Variants in RASGEF1C observed in about 807,000 individuals in gnomAD.
The protein encoded by RASGEF1C is ras-GEF domain-containing family member 1C.
A neutral mutation model predicts 58.1 loss-of-function variants in RASGEF1C; 27 were observed. The observed-to-expected ratio is 0.46, with a 90% CI of 0.34 to 0.64. The LOEUF (loss-of-function observed/expected upper bound fraction) is 0.64. RASGEF1C is among the 30% of genes least tolerant of loss of function. RASGEF1C has a pLI of 0.01. For missense variants in RASGEF1C, 502 were observed against 605.1 expected (o/e 0.83, Z 1.79); for synonymous variants, 243 against 246.3 (o/e 0.99, Z 0.13).
chr5:180,114,424 G>A, intron 11 of RASGEF1C, 22 bp downstream of exon 11: 5 of 1,607,296 alleles, frequency 3.1e-6, no homozygotes, highest in African/African-American at 1.3e-5. Context: ...TACCTCAGTG[G>A]CGGTCCACAC....
At chr5:180,103,113 T>C (rs1295099636) in intron 12 of RASGEF1C, among the ~76,000 whole-genome samples, 1 of 152,252 alleles carries the variant, frequency 6.6e-6, no homozygotes, top group Non-Finnish European at 1.5e-5. Flanking sequence ...AGTCTCGCTC[T>C]GTCGCCCAGG....
intron 1 of RASGEF1C, among the ~76,000 whole-genome samples, chr5:180,208,282 C>T (rs893517271): frequency 1.3e-5 from 2 of 152,124 alleles, no homozygotes; most frequent in African/African-American, 4.8e-5. Flanking sequence ...CCCCAGGAGG[C>T]AGGAGATACG....
At position 180,182,378 on chromosome 5, in the gene RASGEF1C, G is replaced by C. The variant is rs1282029602; in HGVS notation, c.-7+26650C>G. ...CACGGTGAGTGTTACAGCTCTTAAAGGTGGCGCGGACCCAAACAGTGAGCA... is the reference window on the plus strand; with the variant it reads ...CACGGTGAGTGTTACAGCTCTTAAACGTGGCGCGGACCCAAACAGTGAGCA... On this transcript the variant is annotated intron_variant, in intron 1 of 13. Coordinates refer to ENST00000361132, the MANE Select transcript of RASGEF1C (RefSeq NM_175062.4). Among the ~76,000 whole-genome samples, 3 of 152,194 alleles carry C rather than the reference G, an allele frequency of 2.0e-5. No homozygotes were observed. In the South Asian group the frequency reaches 6.2e-4, roughly 32 times the overall value.
intron 10 of RASGEF1C, 35 bp from the exon 11 acceptor site, chr5:180,114,576 G>T (rs1355512449): frequency 6.3e-6 from 10 of 1,585,276 alleles, no homozygotes; most frequent in Non-Finnish European, 8.6e-6. Context: ...GCCCCAGCCG[G>T]CCCTCCACAC....
intron 1 of RASGEF1C, among the ~76,000 whole-genome samples, chr5:180,180,058 C>G (rs1216135784): frequency 6.6e-6 from 1 of 152,218 alleles, no homozygotes; most frequent in African/African-American, 2.4e-5. Flanking sequence ...CCAGGGCCAC[C>G]CCAAGCCCTG....
intron 1 of RASGEF1C, among the ~76,000 whole-genome samples, chr5:180,204,008 A>AAACAAC (rs57771575): frequency 2.0e-3 from 285 of 140,960 alleles, no homozygotes; most frequent in Non-Finnish European, 2.5e-3. Context: ...ACAAACAAAC[A>AAACAAC]AACAACAACA....
chr5:180,152,637 AC>A (rs1766777327), intron 1 of RASGEF1C, among the ~76,000 whole-genome samples: 2 of 151,238 alleles, frequency 1.3e-5, no homozygotes, highest in African/African-American at 4.9e-5. Flanking sequence ...TGGGTGCAGC[AC>A]ACCAACATGG....
intron 1 of RASGEF1C, among the ~76,000 whole-genome samples, chr5:180,180,491 C>T (rs1767307896): frequency 6.6e-6 from 1 of 152,230 alleles, no homozygotes; most frequent in African/African-American, 2.4e-5. Flanking sequence ...TGCAGTCTGA[C>T]ATGTGTGTAC....
chr5:180,120,973 C>A (rs1766159225), intron 7 of RASGEF1C, 87 bp downstream of exon 7: 1 of 900,922 alleles, frequency 1.1e-6, no homozygotes, highest in Non-Finnish European at 1.9e-6. Context: ...CTCAAGGTGT[C>A]CTTCCGGTTC....
At chr5:180,117,753 G>A (rs1459044731) in intron 10 of RASGEF1C, among the ~76,000 whole-genome samples, 11 of 152,196 alleles carry the variant, frequency 7.2e-5, no homozygotes, top group Non-Finnish European at 4.4e-5. Context: ...CAGCACTTTG[G>A]GAGGTCGAGG....
rs1756302104 is a variant in RASGEF1C at position 180,197,597 on chromosome 5, G to A, written c.-7+11431C>T. Among the ~76,000 whole-genome samples, 1 of 152,146 alleles carries A rather than the reference G, an allele frequency of 6.6e-6. No individual in the cohort carries two copies. ...CCCCAGACAGCAGGCTGAGCTCAAG[G>A]CCCACACTGGCTGCATGGCCCTGGG... is the stretch of plus-strand genomic sequence containing the variant. On this transcript the variant is annotated intron_variant, in intron 1 of 13. Transcript: ENST00000361132. This position sits in a 1 kb window ranked among gnomAD's most constrained non-coding sequence, Gnocchi z 4.7.
intron 1 of RASGEF1C, among the ~76,000 whole-genome samples, chr5:180,195,562 C>T (rs1756252165): frequency 6.6e-6 from 1 of 152,122 alleles, no homozygotes; most frequent in African/African-American, 2.4e-5. Flanking sequence ...AGATCAAGAC[C>T]AGCCTGGCGA....
chr5:180,119,013 G>A (rs2113253332), intron 8 of RASGEF1C, 147 bp from the exon 9 acceptor site: 1 of 729,508 alleles, frequency 1.4e-6, no homozygotes, highest in East Asian at 2.7e-5. Flanking sequence ...GGGTGCTGGT[G>A]GACATCATGG....
chr5:180,118,639 G>A lies in RASGEF1C; in HGVS notation c.1053C>T (p.Arg351=). The stretch of plus-strand genomic sequence containing the variant: ...CTCGGCTGCTGTGGGCCGTCAGGGA[G>A]CGGTGGGCCGCCCCGCGCAGGGCTG... ...YRTALRGAAH[R]SLTAHSSREK... is the part of the protein sequence containing the mutation. The change falls in exon 10 of 14, where the codon CGC becomes CGT. Residue 351 remains arginine, a synonymous_variant. Transcript: ENST00000361132. The A allele has an allele frequency of 6.2e-7, 1 of 1,613,616 alleles. No individual in the cohort carries two copies. The highest frequency in any genetic ancestry group is 1.7e-5 in the Admixed American group (1 of 59,992).
intron 1 of RASGEF1C, among the ~76,000 whole-genome samples, chr5:180,203,842 A>T (rs574671586): frequency 1.7e-4 from 26 of 152,058 alleles, no homozygotes; most frequent in South Asian, 4.2e-4. Context: ...CAAAAATATA[A>T]CTTAACCGGG....
chr5:180,132,780 C>A (rs538302488), intron 4 of RASGEF1C, among the ~76,000 whole-genome samples: 1 of 152,094 alleles, frequency 6.6e-6, no homozygotes, highest in Non-Finnish European at 1.5e-5. Context: ...ACAAGCCTGG[C>A]CAACATAGTG....
At chr5:180,122,766 AAAAC>A (rs936027374) in intron 6 of RASGEF1C, among the ~76,000 whole-genome samples, 4 of 135,606 alleles carry the variant, frequency 2.9e-5, no homozygotes, top group African/African-American at 1.2e-4. Flanking sequence ...AACTAAAACA[AAAAC>A]AAAAAACAAA....
chr5:180,141,755 G>C (rs1766583828), intron 1 of RASGEF1C, among the ~76,000 whole-genome samples: 1 of 146,804 alleles, frequency 6.8e-6, no homozygotes, highest in Non-Finnish European at 1.5e-5. Context: ...GTCTCACCAG[G>C]CTGGAGTGTA....
At chr5:180,145,958 G>A (rs1766655645) in intron 1 of RASGEF1C, among the ~76,000 whole-genome samples, 2 of 152,198 alleles carry the variant, frequency 1.3e-5, no homozygotes, top group African/African-American at 2.4e-5. Flanking sequence ...TCCCTTATTA[G>A]CTATGTGATT....
Sources: allele counts gnomAD v4.1 joint callset (sites outside exome capture counted in the v4.1 genomes callset), GRCh38; gene constraint gnomAD v4.1.1; non-coding constraint Gnocchi (gnomAD v3.1); transcripts MANE v1.5; gene names NCBI Gene and HGNC (gene_info 2026-07-23, HGNC 2026-07-21).